Variants in TNNI3K observed in about 807,000 individuals in gnomAD.
TNNI3K encodes TNNI3 interacting kinase.
Under a neutral mutation model 114.5 loss-of-function variants are expected in TNNI3K, and 140 were observed. That is an observed-to-expected ratio of 1.22 (90% confidence interval 1.07 to 1.41). TNNI3K has a LOEUF of 1.41. Among genes scored for constraint, TNNI3K ranks in the 40% most tolerant of loss-of-function variants. The probability of loss-of-function intolerance (pLI) is 0.00; values close to 1 mark genes in which losing one functional copy is unlikely to be tolerated. For missense variants in TNNI3K, 1,125 were observed against 1,007.6 expected (o/e 1.12, Z -1.58); for synonymous variants, 347 against 347.5 (o/e 1.00, Z 0.02).
chr1:74,265,891 G>A (rs755553082), intron 4 of TNNI3K, among the ~76,000 whole-genome samples: 10 of 34,116 alleles, frequency 2.9e-4, no homozygotes, highest in African/African-American at 4.7e-4. Flanking sequence ...ATGTACATAG[G>A]ACAAAGAATG....
At chr1:74,478,342 A>G (rs1668306908) in intron 21 of TNNI3K, among the ~76,000 whole-genome samples, 1 of 152,212 alleles carries the variant, frequency 6.6e-6, no homozygotes, top group South Asian at 2.1e-4. Context: ...GAATTTATTC[A>G]TGTATATTAA....
chr1:74,369,810 T>C, intron 16 of TNNI3K: 1 of 472,094 alleles, frequency 2.1e-6, no homozygotes, highest in East Asian at 3.9e-5. Flanking sequence ...AGATAACAAA[T>C]TTAAGGAATT....
intron 23 of TNNI3K, among the ~76,000 whole-genome samples, chr1:74,509,006 G>T (rs918279287): frequency 6.6e-6 from 1 of 152,132 alleles, no homozygotes; most frequent in Non-Finnish European, 1.5e-5. Flanking sequence ...TCTACCCACG[G>T]ATGGATAAAC....
At position 74,342,866 on chromosome 1, in the gene TNNI3K, A is replaced by G. The variant is rs543874743; in HGVS notation, c.707A>G (p.His236Arg). The G allele has an allele frequency of 6.2e-7, 1 of 1,613,444 alleles. No homozygotes were observed. The highest frequency in any genetic ancestry group is 1.1e-5 in the South Asian group (1 of 91,076). ...ADVNAQDNED[H>R]VPLHFCSRFG... ...GTGAATGCTCAAGATAATGAAGACC[A>G]TGTCCCACTCCATTTCTGTTCTCGA... The change falls in exon 8 of 25, where the codon CAT (histidine) becomes CGT (arginine). Residue 236 changes from histidine (H) to arginine (R), a missense_variant. By Grantham distance (29) the His-to-Arg change is conservative. Coordinates refer to ENST00000326637, the MANE Select transcript of TNNI3K (RefSeq NM_015978.3).
chr1:74,460,517 T>C (rs1292818348), intron 20 of TNNI3K, among the ~76,000 whole-genome samples: 4 of 152,358 alleles, frequency 2.6e-5, no homozygotes, highest in African/African-American at 9.6e-5. Flanking sequence ...AATGGCAAAG[T>C]CTCATTCTTT....
At chr1:74,288,165 A>G (rs1357084477) in intron 5 of TNNI3K, among the ~76,000 whole-genome samples, 2 of 152,114 alleles carry the variant, frequency 1.3e-5, no homozygotes, top group African/African-American at 4.8e-5. Flanking sequence ...TTCCTCAAAA[A>G]ATTCAAAATA....
In TNNI3K at chr1:74,492,170, G is replaced by A. The variant is rs375373524; in HGVS notation, c.2255G>A (p.Arg752Gln). The change falls in exon 23 of 25, where the codon CGG (arginine) becomes CAG (glutamine). Residue 752 changes from arginine to glutamine, a missense_variant. Arg to Gln is a conservative substitution (Grantham distance 43). Coordinates refer to ENST00000326637, the MANE Select transcript of TNNI3K (RefSeq NM_015978.3). The stretch of plus-strand genomic sequence containing the variant: ...TCTTCTTCTGATTGCCTGGTGAACC[G>A]GGGAGGACCTGGCCGGAGTCATGTG... ...PSSSSDCLVNRGGPGRSHVAA... is the reference protein window; with the variant it reads ...PSSSSDCLVNQGGPGRSHVAA... 3.9e-5 allele frequency: 63 copies of A among 1,612,506 alleles called. No individual in the cohort carries two copies. The highest frequency in any genetic ancestry group is 4.9e-5 in the Non-Finnish European group (58 of 1,178,990).
chr1:74,514,074 G>A lies in TNNI3K; in HGVS notation c.2351+21808G>A, dbSNP rs1250525958. Among the ~76,000 whole-genome samples the A allele has an allele frequency of 1.3e-5, 2 of 152,260 alleles. 1 individual carries two copies. Among genetic ancestry groups the A allele is most frequent in the Non-Finnish European group, 2.9e-5 (2 of 68,018 alleles). ...GCGTTTTTCAATTCAAAGGCTATTC[G>A]AAGTTTGCATAGCCAAATTTACCCA... On this transcript the variant is annotated intron_variant, in intron 23 of 24. Transcript: ENST00000326637.
intron 23 of TNNI3K, chr1:74,512,414 C>CA (rs1670274978): frequency 6.6e-6 from 1 of 152,120 alleles, no homozygotes; most frequent in Non-Finnish European, 1.5e-5. Flanking sequence ...TGACATCACC[C>CA]ACATGATCAT....
intron 20 of TNNI3K, among the ~76,000 whole-genome samples, chr1:74,449,779 G>C (rs1296489280): frequency 6.6e-6 from 1 of 151,090 alleles, no homozygotes; most frequent in East Asian, 1.9e-4. Flanking sequence ...CCTACAAAGA[G>C]ACTTAGACTC....
chr1:74,425,748 G>T (rs186910516), intron 17 of TNNI3K, among the ~76,000 whole-genome samples: 1 of 152,194 alleles, frequency 6.6e-6, no homozygotes, highest in East Asian at 1.9e-4. Context: ...AGAAAAAGTT[G>T]TAAGTAAATT....
chr1:74,536,814 C>T (rs891408535), intron 23 of TNNI3K, among the ~76,000 whole-genome samples: 5 of 152,104 alleles, frequency 3.3e-5, no homozygotes, highest in African/African-American at 1.2e-4. Context: ...CTGTCATTAG[C>T]TTGCATTTAC....
At chr1:74,459,639 A>G (rs973061473) in intron 20 of TNNI3K, among the ~76,000 whole-genome samples, 2 of 152,250 alleles carry the variant, frequency 1.3e-5, no homozygotes, top group Admixed American at 1.3e-4. Context: ...TTGGTTTATT[A>G]TCACTTACAT....
intron 21 of TNNI3K, among the ~76,000 whole-genome samples, chr1:74,474,491 G>A (rs1190287948): frequency 1.3e-5 from 2 of 152,064 alleles, no homozygotes; most frequent in Non-Finnish European, 2.9e-5. Flanking sequence ...AGACCCCTGT[G>A]GTAAGAATTT....
chr1:74,363,087 A>C (rs961601393), intron 11 of TNNI3K, among the ~76,000 whole-genome samples: 14 of 152,118 alleles, frequency 9.2e-5, no homozygotes, highest in African/African-American at 3.4e-4. Context: ...CTCTGGAGGT[A>C]TTCCATTAGT....
chr1:74,462,122 T>C (rs897792273), intron 20 of TNNI3K, among the ~76,000 whole-genome samples: 2 of 152,258 alleles, frequency 1.3e-5, no homozygotes, highest in Non-Finnish European at 2.9e-5. Context: ...TCTAATTCTC[T>C]TAATTTTTTA....
intron 21 of TNNI3K, among the ~76,000 whole-genome samples, chr1:74,478,804 T>C (rs1668332829): frequency 6.6e-6 from 1 of 152,228 alleles, no homozygotes; most frequent in African/African-American, 2.4e-5. Flanking sequence ...AGTGCTAGTA[T>C]TCTAAGAAGC....
At chr1:74,342,741 A>T in intron 7 of TNNI3K, 101 bp from the exon 8 acceptor site, 3 of 1,424,686 alleles carry the variant, frequency 2.1e-6, no homozygotes, top group Non-Finnish European at 2.8e-6. Context: ...AATTTCCAGG[A>T]ATCACTCAGG....
In TNNI3K at chr1:74,463,699, C is replaced by T. The variant is rs535335588; in HGVS notation, c.2121+149C>T. The T allele has an allele frequency of 2.7e-5, 22 of 809,910 alleles. No homozygotes were observed. In the Admixed American group the frequency reaches 3.6e-4, roughly 13 times the overall value. 50.2% of individuals were successfully genotyped at this position (809,910 alleles called of 1,614,324 possible). ...CTTCTGCTCTTTAGTCTCTAATTGC[C>T]TCAAGAAGTCTGAGTATCTCATATT... On this transcript the variant is annotated intron_variant, in intron 21 of 24. Coordinates refer to ENST00000326637, the MANE Select transcript of TNNI3K (RefSeq NM_015978.3).
Sources: gnomAD v4.1 joint callset for allele counts (sites outside exome capture counted in the v4.1 genomes callset) on GRCh38, gnomAD v4.1.1 for gene constraint, MANE v1.5 for transcripts, NCBI Gene and HGNC (gene_info 2026-07-23, HGNC 2026-07-21) for gene names.